RASGRP1: variants seen among roughly 807,000 people sequenced by gnomAD.
RASGRP1 encodes the protein RAS guanyl releasing protein 1.
A neutral mutation model predicts 95.1 loss-of-function variants in RASGRP1; 37 were observed. That is an observed-to-expected ratio of 0.39 (90% CI 0.30 to 0.51). The LOEUF (loss-of-function observed/expected upper bound fraction) is 0.51. RASGRP1 is among the 20% of genes least tolerant of loss of function. The pLI is 0.80. For missense variants in RASGRP1, 711 were observed against 965.4 expected (o/e 0.74, Z 3.49); for synonymous variants, 325 against 353.4 (o/e 0.92, Z 0.90).
chr15:38,530,241 A>T (rs2141146939), intron 2 of RASGRP1, among the ~76,000 whole-genome samples: 1 of 152,250 alleles, frequency 6.6e-6, no homozygotes, highest in South Asian at 2.1e-4. Flanking sequence ...TTATCTCATG[A>T]TGATGGCAGA....
intron 1 of RASGRP1, among the ~76,000 whole-genome samples, chr15:38,562,323 T>C (rs1364844861): frequency 2.6e-5 from 4 of 152,224 alleles, no homozygotes; most frequent in Non-Finnish European, 5.9e-5. Context: ...AGACTCTTTA[T>C]GGTCATTTTC....
Position 38,530,748 on chromosome 15 carries a change from A to C in RASGRP1, c.221-4344T>G, listed in dbSNP as rs1310181133. ...ACTCATATGTGAGGAAAAGGGACTT[A>C]GACGTGTCCTGGGTGAGATCAAAAC... On this transcript the variant is annotated intron_variant, in intron 2 of 16. Coordinates refer to ENST00000310803, the MANE Select transcript of RASGRP1 (RefSeq NM_005739.4). Among the ~76,000 whole-genome samples, 4 of 152,246 alleles carry C rather than the reference A, an allele frequency of 2.6e-5. No individual in the cohort carries two copies. In the East Asian group the frequency reaches 7.7e-4, roughly 29 times the overall value.
intron 2 of RASGRP1, among the ~76,000 whole-genome samples, chr15:38,550,779 A>G (rs1893310392): frequency 6.6e-6 from 1 of 152,228 alleles, no homozygotes; most frequent in South Asian, 2.1e-4. Flanking sequence ...GAGAATCAAG[A>G]AAGGCACACC....
intron 2 of RASGRP1, among the ~76,000 whole-genome samples, chr15:38,535,145 A>G (rs1892594356): frequency 6.6e-6 from 1 of 152,296 alleles, no homozygotes; most frequent in Admixed American, 6.5e-5. Flanking sequence ...GAAATTTAAA[A>G]ATGAGAAAAC....
intron 6 of RASGRP1, among the ~76,000 whole-genome samples, chr15:38,515,896 A>AGG (rs1891753859): frequency 7.2e-6 from 1 of 139,006 alleles, no homozygotes; most frequent in Admixed American, 7.1e-5. Context: ...ACAGAGAGAG[A>AGG]GAGAGAGAGA....
chr15:38,546,665 C>T (rs942873483), intron 2 of RASGRP1, among the ~76,000 whole-genome samples: 1 of 152,182 alleles, frequency 6.6e-6, no homozygotes, highest in East Asian at 1.9e-4. Flanking sequence ...TATGTGTCAG[C>T]ATTAGGACTG....
In RASGRP1 at chr15:38,488,186, A is replaced by G. The variant is rs1263524513; in HGVS notation, c.*2368T>C. On this transcript the variant is annotated 3_prime_UTR_variant, in exon 17 of 17. Transcript: ENST00000310803. Reference sequence around the variant, plus strand: ...GGTATCAAAAAACTTTACAATCTGTACATTTGTTTTTTTCTTGCATTTCTA... The same window carrying G: ...GGTATCAAAAAACTTTACAATCTGTGCATTTGTTTTTTTCTTGCATTTCTA... 2 of 152,068 alleles carry G rather than the reference A, an allele frequency of 1.3e-5. No homozygotes were observed. Among genetic ancestry groups the G allele is most frequent in the Non-Finnish European group, 2.9e-5 (2 of 67,922 alleles). The allele number at this position is 152,068 out of a possible 1,614,324, so 9.4% of individuals were successfully genotyped here.
chr15:38,500,822 T>G (rs1406647483), intron 13 of RASGRP1, among the ~76,000 whole-genome samples: 1 of 152,216 alleles, frequency 6.6e-6, no homozygotes, highest in African/African-American at 2.4e-5. Flanking sequence ...GGTTATCTCC[T>G]AAAGACAGAA....
intron 6 of RASGRP1, among the ~76,000 whole-genome samples, chr15:38,515,760 T>C (rs1182339509): frequency 1.3e-5 from 2 of 149,542 alleles, no homozygotes; most frequent in South Asian, 2.1e-4. Flanking sequence ...AGAGGACATA[T>C]CCTCTCCCCG....
chr15:38,501,909 C>T (rs530453319), intron 12 of RASGRP1, among the ~76,000 whole-genome samples: 56 of 149,830 alleles, frequency 3.7e-4, no homozygotes, highest in African/African-American at 1.3e-3. Context: ...GGCTGGAGTG[C>T]AGTGGCATGA....
At chr15:38,509,898 C>T (rs145502844) in intron 8 of RASGRP1, among the ~76,000 whole-genome samples, 10 of 152,170 alleles carry the variant, frequency 6.6e-5, no homozygotes, top group Admixed American at 3.9e-4. Context: ...TTGTGGCCTA[C>T]GAAGTACCAT....
rs758391429 is a variant in RASGRP1, at chr15:38,498,887, G to C, written c.1780C>G (p.Arg594Gly). The change falls in exon 15 of 17, where the codon CGA (arginine) becomes GGA (glycine). Residue 594 changes from arginine to glycine, a missense_variant. Arg to Gly is a moderately radical substitution (Grantham distance 125). Transcript: ENST00000310803. Reference sequence around the variant, plus strand: ...GTGGGAGCTACTGGGTTCTTGGCTCGCTTCTTACACTCAAACACAACCAGA... The same window carrying C: ...GTGGGAGCTACTGGGTTCTTGGCTCCCTTCTTACACTCAAACACAACCAGA... ...KDLVVFECKKRAKNPVAPTEN... is the reference protein window; with the variant it reads ...KDLVVFECKKGAKNPVAPTEN... The C allele has an allele frequency of 1.2e-6, 2 of 1,613,856 alleles. No individual in the cohort carries two copies. Among genetic ancestry groups the C allele is most frequent in the Non-Finnish European group, 1.7e-6 (2 of 1,179,872 alleles).
chr15:38,513,552 C>T (rs965160037), intron 6 of RASGRP1, among the ~76,000 whole-genome samples: 1 of 152,196 alleles, frequency 6.6e-6, no homozygotes, highest in African/African-American at 2.4e-5. Flanking sequence ...TCCTTCTACT[C>T]ACCAACTGGA....
In RASGRP1 at chr15:38,489,617, A is replaced by G. The variant is rs1890493461; in HGVS notation, c.*937T>C. The G allele has an allele frequency of 6.6e-6, 1 of 152,514 alleles. No individual in the cohort carries two copies. Among genetic ancestry groups the G allele is most frequent in the African/African-American group, 2.4e-5 (1 of 41,450 alleles). 9.4% of individuals were successfully genotyped at this position (152,514 alleles called of 1,614,324 possible). A position where few individuals can be genotyped will look rare whatever the true frequency, so the allele number is the denominator to read the frequency against. On this transcript the variant is annotated 3_prime_UTR_variant, in exon 17 of 17. Coordinates refer to ENST00000310803, the MANE Select transcript of RASGRP1 (RefSeq NM_005739.4). ...TCCAATTAGCTTATTTCTAAATAGT[A>G]TTAATAGTGAAGACAGTTAAGCACA... is the stretch of plus-strand genomic sequence containing the variant.
chr15:38,555,809 A>C (rs1285353199), intron 2 of RASGRP1, among the ~76,000 whole-genome samples: 2 of 152,154 alleles, frequency 1.3e-5, no homozygotes, highest in Admixed American at 6.5e-5. Flanking sequence ...TGAAACATGG[A>C]GTTTCTTCCC....
chr15:38,554,421 C>T (rs955589070), intron 2 of RASGRP1, among the ~76,000 whole-genome samples: 1 of 152,196 alleles, frequency 6.6e-6, no homozygotes, highest in Non-Finnish European at 1.5e-5. Context: ...ACTCATCTCT[C>T]TGGATGGCTT....
chr15:38,492,050 C>T (rs958389083), intron 16 of RASGRP1, among the ~76,000 whole-genome samples: 1 of 152,312 alleles, frequency 6.6e-6, no homozygotes, highest in East Asian at 1.9e-4. Flanking sequence ...ACTGAAAACA[C>T]AAATCTTTGC....
rs1190611291 is a variant in RASGRP1, at chr15:38,488,469, C to T, written c.*2085G>A. On this transcript the variant is annotated 3_prime_UTR_variant, in exon 17 of 17. Transcript: ENST00000310803. ...AACACAAATACTATTAACTTGTATA[C>T]TATACCTCTTTGGCCCTTGCTGGAC... 6.6e-6 allele frequency: 1 copy of T among 150,962 alleles called. No homozygotes were observed. Among genetic ancestry groups the T allele is most frequent in the Non-Finnish European group, 1.5e-5 (1 of 67,756 alleles). The allele number at this position is 150,962 out of a possible 1,614,324, so 9.4% of individuals were successfully genotyped here.
At chr15:38,516,570 T>C (rs1363382719) in intron 5 of RASGRP1, among the ~76,000 whole-genome samples, 1 of 152,048 alleles carries the variant, frequency 6.6e-6, no homozygotes, top group Non-Finnish European at 1.5e-5. Flanking sequence ...CTTTTAAGTG[T>C]GCAGTTGGGT....
Sources: gnomAD v4.1 joint callset for allele counts (sites outside exome capture counted in the v4.1 genomes callset) on GRCh38, gnomAD v4.1.1 for gene constraint, MANE v1.5 for transcripts, NCBI Gene and HGNC (gene_info 2026-07-23, HGNC 2026-07-21) for gene names.